MGAT4A: variants seen among roughly 807,000 people sequenced by gnomAD.
MGAT4A encodes the protein N-acetylglucosaminyltransferase IVa.
MGAT4A carries 33 observed loss-of-function variants against 74.1 expected under a neutral mutation model. The ratio of observed to expected loss-of-function variants is 0.45; its 90% CI spans 0.34 to 0.60. The LOEUF (loss-of-function observed/expected upper bound fraction) is 0.60, where lower values mean the gene tolerates loss of function less well. MGAT4A is among the 20% of genes least tolerant of loss of function. The pLI, the probability that MGAT4A is intolerant of heterozygous loss-of-function variation, is 0.02. For missense variants in MGAT4A, 479 were observed against 628.3 expected (o/e 0.76, Z 2.54); for synonymous variants, 198 against 210.4 (o/e 0.94, Z 0.51).
At chr2:98,663,596 C>A (rs1701784723) in intron 4 of MGAT4A, 1 of 581,304 alleles carries the variant, frequency 1.7e-6, no homozygotes, top group Non-Finnish European at 2.6e-6. Context: ...AATGCATAAC[C>A]TCAACTTAAC....
rs143291390 is a variant in MGAT4A, at chr2:98,668,547, C to T, written c.404-5368G>A. Among the ~76,000 whole-genome samples, 996 of 152,356 alleles carry T rather than the reference C, an allele frequency of 6.5e-3. 3 individuals are homozygous for T. Among genetic ancestry groups the T allele is most frequent in the Admixed American group, 0.011 (174 of 15,310 alleles). ...TGCTCTTATGGAGAACCTCTGCTAG[C>T]GCAGTGCGGAAGGGACATGTGGGGT... On this transcript the variant is annotated intron_variant, in intron 4 of 15. Transcript: ENST00000393487.
At chr2:98,651,071 A>AAAAGAAAGAAAG (rs58878330) in intron 8 of MGAT4A, among the ~76,000 whole-genome samples, 3 of 150,780 alleles carry the variant, frequency 2.0e-5, no homozygotes, top group African/African-American at 7.3e-5. Flanking sequence ...TCTCAAAAAA[A>AAAAGAAAGAAAG]AAAGAAAGAA....
At chr2:98,702,793 T>A (rs1437405904) in intron 2 of MGAT4A, among the ~76,000 whole-genome samples, 1 of 151,936 alleles carries the variant, frequency 6.6e-6, no homozygotes, top group Non-Finnish European at 1.5e-5. Flanking sequence ...TAAGAACTAA[T>A]CAAAACGGAA....
chr2:98,663,766 G>T (rs1317632111), intron 4 of MGAT4A, among the ~76,000 whole-genome samples: 1 of 152,172 alleles, frequency 6.6e-6, no homozygotes, highest in Non-Finnish European at 1.5e-5. Flanking sequence ...ATCTTGATTT[G>T]GATCCTGAAA....
intron 2 of MGAT4A, among the ~76,000 whole-genome samples, chr2:98,718,580 C>T (rs887943696): frequency 6.6e-6 from 1 of 152,192 alleles, no homozygotes; most frequent in Admixed American, 6.5e-5. Context: ...CAGACTACAG[C>T]AGCCAAGAAC....
Position 98,678,291 on chromosome 2 carries a change from A to G in MGAT4A, c.262+13T>C, listed in dbSNP as rs750252512. 7 of 1,207,752 alleles carry G rather than the reference A, an allele frequency of 5.8e-6. No individual in the cohort carries two copies. In the Admixed American group the frequency reaches 1.5e-4, roughly 26 times the overall value. 74.8% of individuals were successfully genotyped at this position (1,207,752 alleles called of 1,614,324 possible). A position where few individuals can be genotyped will look rare whatever the true frequency, so the allele number is the denominator to read the frequency against. ...ATAAAATCTTTTTATAATATAAAAAATACTGTTTGTACCTGAAAACTTATT... is the reference window on the plus strand; with the variant it reads ...ATAAAATCTTTTTATAATATAAAAAGTACTGTTTGTACCTGAAAACTTATT... On this transcript the variant is annotated intron_variant, in intron 3 of 15. Transcript: ENST00000393487.
intron 8 of MGAT4A, among the ~76,000 whole-genome samples, chr2:98,648,186 T>C (rs1170466629): frequency 6.6e-6 from 1 of 152,194 alleles, no homozygotes; most frequent in East Asian, 1.9e-4. Context: ...GCATAATTTT[T>C]GGGCAAATGT....
intron 2 of MGAT4A, among the ~76,000 whole-genome samples, chr2:98,721,804 C>T (rs1224973347): frequency 2.0e-5 from 3 of 146,920 alleles, no homozygotes; most frequent in African/African-American, 7.5e-5. Flanking sequence ...TCAATTAATG[C>T]AAAAAAAAAG....
At chr2:98,647,645 G>A (rs765119990) in intron 8 of MGAT4A, among the ~76,000 whole-genome samples, 19 of 152,286 alleles carry the variant, frequency 1.2e-4, no homozygotes, top group African/African-American at 3.8e-4. Flanking sequence ...ATGCGCTACC[G>A]TAAGACTTAC....
chr2:98,705,213 C>T (rs747932839), intron 2 of MGAT4A, among the ~76,000 whole-genome samples: 2 of 152,180 alleles, frequency 1.3e-5, no homozygotes, highest in African/African-American at 2.4e-5. Flanking sequence ...ATTTTAAGCA[C>T]GGATTGCAAT....
chr2:98,636,353 G>A (rs1374040608), intron 13 of MGAT4A, among the ~76,000 whole-genome samples, 164 bp downstream of exon 13: 1 of 152,006 alleles, frequency 6.6e-6, no homozygotes, highest in Admixed American at 6.6e-5. Context: ...AAATGCACTC[G>A]TCAAATATAA....
chr2:98,642,567 C>T (rs1701425840), intron 10 of MGAT4A, among the ~76,000 whole-genome samples: 1 of 152,148 alleles, frequency 6.6e-6, no homozygotes. Context: ...GTTTTCACCT[C>T]ACAGGCTCAT....
At chr2:98,709,134 G>C (rs1043600427) in intron 2 of MGAT4A, among the ~76,000 whole-genome samples, 1 of 152,016 alleles carries the variant, frequency 6.6e-6, no homozygotes, top group Non-Finnish European at 1.5e-5. Context: ...TGTCAAACAG[G>C]GATATTAATA....
rs1482909735 is a variant in MGAT4A, at chr2:98,654,662, G to A, written c.774+783C>T. 2.0e-5 allele frequency among the ~76,000 whole-genome samples: 3 copies of A among 152,052 alleles called. No individual in the cohort carries two copies. The East Asian group carries it at 5.8e-4, about 29-fold the overall frequency. ...GAAATCAAAGAAGATACAAATAAATGGAAAGACATCTTGTGCTCATGTATT... is the reference window on the plus strand; with the variant it reads ...GAAATCAAAGAAGATACAAATAAATAGAAAGACATCTTGTGCTCATGTATT... On this transcript the variant is annotated intron_variant, in intron 8 of 15. Coordinates refer to ENST00000393487, the MANE Select transcript of MGAT4A (RefSeq NM_012214.3).
intron 10 of MGAT4A, among the ~76,000 whole-genome samples, chr2:98,641,161 C>T (rs1010428771): frequency 6.6e-6 from 1 of 151,896 alleles, no homozygotes; most frequent in Non-Finnish European, 1.5e-5. Flanking sequence ...TTTATTTAGA[C>T]TTTTCATTTT....
chr2:98,709,412 A>T (rs903701706), intron 2 of MGAT4A, among the ~76,000 whole-genome samples: 1 of 152,162 alleles, frequency 6.6e-6, no homozygotes, highest in Non-Finnish European at 1.5e-5. Context: ...TGGACAAAGG[A>T]TAGATTTTGT....
intron 2 of MGAT4A, among the ~76,000 whole-genome samples, chr2:98,688,817 GTT>G (rs1187445114): frequency 6.6e-6 from 1 of 152,120 alleles, no homozygotes; most frequent in Non-Finnish European, 1.5e-5. Context: ...GCCATGCCCA[GTT>G]TCCTAGCCCA....
In MGAT4A at chr2:98,675,022, A is replaced by G. The variant is rs777793555; in HGVS notation, c.403+13T>C. On this transcript the variant is annotated intron_variant, in intron 4 of 15. Coordinates refer to ENST00000393487, the MANE Select transcript of MGAT4A (RefSeq NM_012214.3). ...CAGTAGTACAACTGCAGTAAGAAAC[A>G]AAATAAACATACCTCCTGTTCTTCC... 3 of 1,607,404 alleles carry G rather than the reference A, an allele frequency of 1.9e-6. No homozygotes were observed. The highest frequency in any genetic ancestry group is 2.5e-6 in the Non-Finnish European group (3 of 1,178,438).
intron 8 of MGAT4A, among the ~76,000 whole-genome samples, chr2:98,650,888 C>CAGTG (rs1365712897): frequency 6.6e-6 from 1 of 151,998 alleles, no homozygotes. Flanking sequence ...GTGGAGCTTA[C>CAGTG]AGTGAGCCGA....
Sources: allele counts gnomAD v4.1 joint callset (sites outside exome capture counted in the v4.1 genomes callset), GRCh38; gene constraint gnomAD v4.1.1; transcripts MANE v1.5; gene names NCBI Gene and HGNC (gene_info 2026-07-23, HGNC 2026-07-21).